The following STYXL2 variants were observed in gnomAD, a reference collection of about 807,000 sequenced individuals.
STYXL2 encodes serine/threonine/tyrosine interacting like 2.
A neutral mutation model predicts 52.4 loss-of-function variants in STYXL2; 44 were observed. The observed-to-expected ratio is 0.84, with a 90% CI of 0.66 to 1.08. The LOEUF is 1.08. Ranked by LOEUF, STYXL2 falls within the 50% of genes least tolerant of loss-of-function variation. The pLI is 0.00. For missense variants in STYXL2, 1,604 were observed against 1,471.7 expected (o/e 1.09, Z -1.47); for synonymous variants, 604 against 586.9 (o/e 1.03, Z -0.42).
In STYXL2 at chr1:167,117,564, G is replaced by T; in HGVS notation, c.437+5G>T. ...CAATGTCTTCATAGCTGAGAAGTGA[G>T]TCTGACTGCTCTTCATGACCCTTTG... is the stretch of plus-strand genomic sequence containing the variant. On this transcript the variant is annotated splice_donor_5th_base_variant and intron_variant, in intron 4 of 5. Transcript: ENST00000361200. 6.3e-7 allele frequency: 1 copy of T among 1,585,994 alleles called. No homozygotes were observed.
chr1:167,114,694 GT>G (rs1471914595), intron 3 of STYXL2, among the ~76,000 whole-genome samples: 1 of 152,184 alleles, frequency 6.6e-6, no homozygotes, highest in Non-Finnish European at 1.5e-5. Flanking sequence ...TTGACTTGCT[GT>G]TGCTCACTGT....
chr1:167,121,405 C>G (rs763639914), intron 5 of STYXL2, among the ~76,000 whole-genome samples: 18 of 152,348 alleles, frequency 1.2e-4, no homozygotes, highest in Middle Eastern at 6.8e-3. Flanking sequence ...TGTCCCACCT[C>G]GCTCGCAGGT....
Position 167,128,268 on chromosome 1 carries a change from C to G in STYXL2, c.3137C>G (p.Pro1046Arg), listed in dbSNP as rs771130797. The G allele has an allele frequency of 2.5e-6, 4 of 1,614,166 alleles. No homozygotes were observed. The highest frequency in any genetic ancestry group is 2.2e-5 in the East Asian group (1 of 44,854). Reference sequence around the variant, plus strand: ...GAGCCCTACTTCTTCCGCCGGACCCCAGAGTCCTCAGAAAGGGAAGAGTCC... The same window carrying G: ...GAGCCCTACTTCTTCCGCCGGACCCGAGAGTCCTCAGAAAGGGAAGAGTCC... ...SPEPYFFRRT[P>R]ESSEREESPE... The change falls in exon 6 of 6, where the codon CCA becomes CGA. Residue 1046 changes from proline to arginine, a missense_variant. Transcript: ENST00000361200.
At chr1:167,104,136 T>G (rs1447859981) in intron 2 of STYXL2, among the ~76,000 whole-genome samples, 2 of 151,968 alleles carry the variant, frequency 1.3e-5, no homozygotes, top group African/African-American at 4.8e-5. Flanking sequence ...AAGAAGTAAG[T>G]GCGCTTGTAA....
chr1:167,120,160 A>G (rs1459616779), intron 5 of STYXL2, among the ~76,000 whole-genome samples: 1 of 152,204 alleles, frequency 6.6e-6, no homozygotes. Flanking sequence ...GGTAGAGAGT[A>G]GTGCTTTGGG....
chr1:167,120,407 T>C (rs970888847), intron 5 of STYXL2, among the ~76,000 whole-genome samples: 2 of 152,274 alleles, frequency 1.3e-5, no homozygotes, highest in East Asian at 1.9e-4. Flanking sequence ...GACAAAAATA[T>C]CAAATCCTAA....
chr1:167,117,667 C>A, intron 4 of STYXL2, 108 bp downstream of exon 4: 2 of 982,156 alleles, frequency 2.0e-6, no homozygotes, highest in Non-Finnish European at 3.0e-6. Flanking sequence ...GTCCATCCAG[C>A]ACAATGAGGC....
intron 5 of STYXL2, among the ~76,000 whole-genome samples, chr1:167,123,087 A>G (rs1238084276): frequency 1.3e-5 from 2 of 152,132 alleles, no homozygotes; most frequent in African/African-American, 4.8e-5. Flanking sequence ...TGTTGGAAAA[A>G]TTTTCACCAT....
chr1:167,128,658 G>A lies in STYXL2; in HGVS notation c.*50G>A. 1 of 1,550,784 alleles carries A rather than the reference G, an allele frequency of 6.4e-7. No individual in the cohort carries two copies. Among genetic ancestry groups the A allele is most frequent in the South Asian group, 1.3e-5 (1 of 79,994 alleles). On this transcript the variant is annotated 3_prime_UTR_variant, in exon 6 of 6. Transcript: ENST00000361200. Reference sequence around the variant, plus strand: ...AAAGAAACCACTCACGTTAGCATAGGGCTCAGGGCACACGTTGCCACCACT... The same window carrying A: ...AAAGAAACCACTCACGTTAGCATAGAGCTCAGGGCACACGTTGCCACCACT...
At chr1:167,100,864 C>T (rs1252259076) in intron 2 of STYXL2, among the ~76,000 whole-genome samples, 1 of 152,206 alleles carries the variant, frequency 6.6e-6, no homozygotes, top group African/African-American at 2.4e-5. Context: ...TGTGGTGGCA[C>T]TTCATAGGCT....
chr1:167,105,027 T>C (rs914764378), intron 2 of STYXL2, among the ~76,000 whole-genome samples: 1 of 148,294 alleles, frequency 6.7e-6, no homozygotes, highest in Non-Finnish European at 1.5e-5. Flanking sequence ...TATACATAAA[T>C]TTTTAAAAGT....
At chr1:167,117,688 C>T in intron 4 of STYXL2, 129 bp downstream of exon 4, 9 of 779,702 alleles carry the variant, frequency 1.2e-5, no homozygotes, top group Non-Finnish European at 1.8e-5. Context: ...TGCCTAGCCA[C>T]TTACCCTGCC....
In STYXL2 at chr1:167,126,956, G is replaced by A. The variant is rs756668951; in HGVS notation, c.1825G>A (p.Val609Met). The A allele has an allele frequency of 6.2e-7, 1 of 1,610,922 alleles. No homozygotes were observed. The highest frequency in any genetic ancestry group is 1.1e-5 in the South Asian group (1 of 90,468). The change falls in exon 6 of 6, where the codon GTG becomes ATG. Residue 609 changes from valine to methionine, a missense_variant. Val to Met is a conservative substitution (Grantham distance 21). Coordinates refer to ENST00000361200, the MANE Select transcript of STYXL2 (RefSeq NM_001080426.3). Reference protein sequence around the residue: ...KVGSENKEEVVELSKGEDSAL... With the variant: ...KVGSENKEEVMELSKGEDSAL... ...GGGCAGTGAGAACAAGGAGGAGGTGGTGGAGCTCAGCAAGGGGGAGGACTC... is the reference window on the plus strand; with the variant it reads ...GGGCAGTGAGAACAAGGAGGAGGTGATGGAGCTCAGCAAGGGGGAGGACTC...
intron 2 of STYXL2, among the ~76,000 whole-genome samples, chr1:167,095,788 G>A (rs12042641): frequency 0.37 from 55,731 of 151,976 alleles, 10,741 homozygotes; most frequent in African/African-American, 0.47. Context: ...TTAGTTGGAA[G>A]CGCCTAACTA....
At chr1:167,120,613 TTTC>T (rs1413724460) in intron 5 of STYXL2, among the ~76,000 whole-genome samples, 3 of 151,260 alleles carry the variant, frequency 2.0e-5, no homozygotes, top group African/African-American at 7.3e-5. Context: ...GCACACATAT[TTTC>T]TTTTTTTTAA....
chr1:167,126,714 G>T lies in STYXL2; in HGVS notation c.1583G>T (p.Ser528Ile). 6.2e-7 allele frequency: 1 copy of T among 1,614,204 alleles called. No individual in the cohort carries two copies. The highest frequency in any genetic ancestry group is 8.5e-7 in the Non-Finnish European group (1 of 1,180,038). Residue 528 changes from serine (S) to isoleucine (I), a missense_variant, in exon 6 of 6, where the codon AGT becomes ATT. By Grantham distance (142) the Ser-to-Ile change is moderately radical. Transcript: ENST00000361200. ...GAGGACAGCGTGGGCTCTGAGGCCA[G>T]TTCCTTCTACAACTTCTGCAGCAGG... ...DDEDSVGSEA[S>I]SFYNFCSRNK...
chr1:167,095,459 AT>A (rs1390388777), intron 2 of STYXL2, among the ~76,000 whole-genome samples: 4 of 152,172 alleles, frequency 2.6e-5, no homozygotes, highest in Non-Finnish European at 5.9e-5. Flanking sequence ...GGACATGTGC[AT>A]GCCTGGGGCA....
In STYXL2 at chr1:167,126,518, G is replaced by T; in HGVS notation, c.1387G>T (p.Gly463Cys). 1.2e-6 allele frequency: 2 copies of T among 1,612,906 alleles called. No individual in the cohort carries two copies. Among genetic ancestry groups the T allele is most frequent in the East Asian group, 2.2e-5 (1 of 44,796 alleles). Reference sequence around the variant, plus strand: ...GCTGGAGCTGAACCGCCCGGACCACGGCAGGAGGCGCCGCGCAGACTCGAT... The same window carrying T: ...GCTGGAGCTGAACCGCCCGGACCACTGCAGGAGGCGCCGCGCAGACTCGAT... ...QQLELNRPDH[G>C]RRRRADSMSS... The change falls in exon 6 of 6, where the codon GGC (glycine) becomes TGC (cysteine). Residue 463 changes from glycine to cysteine, a missense_variant. Physicochemically the swap from Gly to Cys is radical, Grantham distance 159. Coordinates refer to ENST00000361200, the MANE Select transcript of STYXL2 (RefSeq NM_001080426.3).
Position 167,113,607 on chromosome 1 carries a change from T to C in STYXL2, c.111-103T>C, listed in dbSNP as rs573426275. On this transcript the variant is annotated intron_variant, in intron 2 of 5. Transcript: ENST00000361200. ...AAGGCTTTGCCTTGATCACTCGTTG[T>C]TCCCCACTTGTTGCTAAAATCAAAG... The C allele has an allele frequency of 1.4e-4, 120 of 868,576 alleles. No homozygotes were observed. In the East Asian group the frequency reaches 2.9e-3, roughly 21 times the overall value. The allele number at this position is 868,576 out of a possible 1,614,324, so 53.8% of individuals were successfully genotyped here.
Sources: allele counts gnomAD v4.1 joint callset (sites outside exome capture counted in the v4.1 genomes callset), GRCh38; gene constraint gnomAD v4.1.1; transcripts MANE v1.5; gene names NCBI Gene and HGNC (gene_info 2026-07-23, HGNC 2026-07-21).